The following SSU72L6 variants were observed in gnomAD, a reference collection of about 807,000 sequenced individuals.
The protein encoded by SSU72L6 is RNA polymerase II subunit A C-terminal domain phosphatase SSU72 like protein 6.
At chr7:124,477,025 T>C in the SSU72L6 span, 1 of 634,538 alleles carries the variant, frequency 1.6e-6, no homozygotes, top group Non-Finnish European at 2.8e-6. Context: ...AGATTGATTG[T>C]GAGAAGTATC....
chr7:124,477,310 A>C, the SSU72L6 span, among the ~76,000 whole-genome samples: 1 of 152,184 alleles, frequency 6.6e-6, no homozygotes. Flanking sequence ...GTTTAAGGGT[A>C]TTCAGCAGAT....
chr7:124,476,352 G>T, the SSU72L6 span: 1 of 761,140 alleles, frequency 1.3e-6, no homozygotes, highest in South Asian at 1.4e-5. Context: ...TGTCTCTCTT[G>T]TTCCCAGTGG....
the SSU72L6 span, chr7:124,476,325 A>G: frequency 1.4e-6 from 1 of 720,418 alleles, no homozygotes; most frequent in Non-Finnish European, 2.6e-6. Flanking sequence ...GAGTCCCTGC[A>G]GCAGCTGAGG....
At chr7:124,477,422 A>G in the SSU72L6 span, among the ~76,000 whole-genome samples, 7 of 151,646 alleles carry the variant, frequency 4.6e-5, no homozygotes, top group African/African-American at 1.5e-4. Flanking sequence ...TTTGAGACCA[A>G]TGGAGTGTGG....
the SSU72L6 span, among the ~76,000 whole-genome samples, chr7:124,477,254 C>G: frequency 6.6e-6 from 1 of 152,028 alleles, no homozygotes; most frequent in Non-Finnish European, 1.5e-5. Context: ...CTGCATTTTC[C>G]GGATGAGCAA....
At chr7:124,477,494 A>C in the SSU72L6 span, among the ~76,000 whole-genome samples, 3 of 152,156 alleles carry the variant, frequency 2.0e-5, no homozygotes, top group South Asian at 4.1e-4. Flanking sequence ...TTGAACCAAT[A>C]AATGTTTTCA....
the SSU72L6 span, chr7:124,476,922 A>T: frequency 1.3e-6 from 1 of 763,212 alleles, no homozygotes; most frequent in Non-Finnish European, 2.4e-6. Flanking sequence ...AGAAGGCAGG[A>T]AAAAGCTTTC....
At chr7:124,476,660 G>A in the SSU72L6 span, 1 of 780,696 alleles carries the variant, frequency 1.3e-6, no homozygotes, top group Non-Finnish European at 2.4e-6. Flanking sequence ...GGCCCAGAAA[G>A]ATTTCAGGAA....
the SSU72L6 span, chr7:124,476,510 G>A: frequency 2.6e-6 from 2 of 780,688 alleles, no homozygotes; most frequent in Middle Eastern, 2.3e-4. Flanking sequence ...CTACCAGGAC[G>A]AAGACCCAAT....
chr7:124,476,451 G>C, the SSU72L6 span: 1 of 780,320 alleles, frequency 1.3e-6, no homozygotes. Context: ...GCATCCTCAG[G>C]AGAAAAGGGC....
chr7:124,476,570 A>T, the SSU72L6 span: 1 of 780,588 alleles, frequency 1.3e-6, no homozygotes, highest in East Asian at 2.4e-5. Flanking sequence ...ATGTACAATG[A>T]CCTCCTCAGG....
At chr7:124,476,711 G>C in the SSU72L6 span, 1 of 780,654 alleles carries the variant, frequency 1.3e-6, no homozygotes, top group Non-Finnish European at 2.4e-6. Context: ...TGTGAGGAGC[G>C]TGTCTATGAC....
the SSU72L6 span, chr7:124,476,396 C>G: frequency 1.3e-6 from 1 of 778,670 alleles, no homozygotes; most frequent in East Asian, 2.4e-5. Flanking sequence ...CTCAGGGTGG[C>G]TGTGGTGTGT....
chr7:124,476,550 A>G, the SSU72L6 span: 1 of 780,714 alleles, frequency 1.3e-6, no homozygotes. Flanking sequence ...TTGCAACAAC[A>G]TATAAGGAGA....
chr7:124,476,322 T>A, the SSU72L6 span: 92 of 714,898 alleles, frequency 1.3e-4, no homozygotes, highest in Admixed American at 1.8e-3. Flanking sequence ...TCAGAGTCCC[T>A]GCAGCAGCTG....
At chr7:124,476,815 A>C in the SSU72L6 span, 1 of 774,844 alleles carries the variant, frequency 1.3e-6, no homozygotes, top group East Asian at 2.4e-5. Context: ...GGAAGGTGCC[A>C]TCCTGGGAGC....
At chr7:124,476,640 A>T in the SSU72L6 span, 1 of 780,744 alleles carries the variant, frequency 1.3e-6, no homozygotes, top group Non-Finnish European at 2.4e-6. Flanking sequence ...GAAATGAGAG[A>T]ATCAAGCCTG....
the SSU72L6 span, among the ~76,000 whole-genome samples, chr7:124,477,288 GA>G: frequency 6.6e-6 from 1 of 152,066 alleles, no homozygotes; most frequent in Non-Finnish European, 1.5e-5. Flanking sequence ...TGGACTGCTG[GA>G]AAAATGATTT....
At chr7:124,476,415 C>A in the SSU72L6 span, 1 of 779,472 alleles carries the variant, frequency 1.3e-6, no homozygotes. Flanking sequence ...GTGTGAGCAA[C>A]ATCAACAGGA....
Sources: gnomAD v4.1 joint callset for allele counts (sites outside exome capture counted in the v4.1 genomes callset) on GRCh38, gnomAD v4.1.1 for gene constraint, MANE v1.5 for transcripts, NCBI Gene and HGNC (gene_info 2026-07-23, HGNC 2026-07-21) for gene names.